The following SETD3 variants were observed in gnomAD, a reference collection of about 807,000 sequenced individuals.
SETD3 encodes SET domain containing 3, actin N3(tau)-histidine methyltransferase.
A neutral mutation model predicts 63.0 loss-of-function variants in SETD3; 19 were observed. That is an observed-to-expected ratio of 0.30 (90% CI 0.21 to 0.44). The LOEUF (loss-of-function observed/expected upper bound fraction) is 0.44. Ranked by LOEUF, SETD3 falls within the 20% of genes least tolerant of loss-of-function variation. The probability of loss-of-function intolerance (pLI) is 1.00; values close to 1 mark genes in which losing one functional copy is unlikely to be tolerated. For synonymous variants in SETD3, 286 were observed against 264.1 expected (o/e 1.08, Z -0.80); for missense variants, 587 against 728.5 (o/e 0.81, Z 2.24).
chr14:99,436,254 C>G (rs765705949), intron 6 of SETD3, among the ~76,000 whole-genome samples: 5 of 152,130 alleles, frequency 3.3e-5, no homozygotes, highest in Non-Finnish European at 5.9e-5. Context: ...ACCAGATCAC[C>G]ACCGTACTTC....
At chr14:99,458,136 T>A (rs1002739456) in intron 6 of SETD3, 143 bp downstream of exon 6, 2 of 992,102 alleles carry the variant, frequency 2.0e-6, no homozygotes, top group African/African-American at 1.6e-5. Context: ...AAACAAACGA[T>A]GAAATGTATT....
chr14:99,415,292 C>T (rs531640387), intron 6 of SETD3, among the ~76,000 whole-genome samples: 5 of 152,262 alleles, frequency 3.3e-5, no homozygotes, highest in African/African-American at 9.6e-5. Context: ...AGTTCCAATG[C>T]TAAATCTCTA....
intron 4 of SETD3, among the ~76,000 whole-genome samples, chr14:99,459,795 A>C (rs1367887997): frequency 6.6e-6 from 1 of 152,242 alleles, no homozygotes; most frequent in Non-Finnish European, 1.5e-5. Flanking sequence ...CACTGCAAAA[A>C]ACATGCACAT....
At chr14:99,457,591 G>A (rs554325997) in intron 6 of SETD3, among the ~76,000 whole-genome samples, 1 of 152,318 alleles carries the variant, frequency 6.6e-6, no homozygotes, top group South Asian at 2.1e-4. Context: ...CAGCAGCCCA[G>A]GAGCTGACTC....
At position 99,431,212 on chromosome 14, in the gene SETD3, AT is replaced by A. The variant is rs199651536; in HGVS notation, c.676-17279del. Among the ~76,000 whole-genome samples, 1,024 of 152,292 alleles carry A rather than the reference AT, an allele frequency of 6.7e-3. 4 individuals carry two copies. Among genetic ancestry groups the A allele is most frequent in the Non-Finnish European group, 0.012 (804 of 68,020 alleles). On this transcript the variant is annotated intron_variant, in intron 6 of 12. Transcript: ENST00000331768. ...TATTTCCACCAAGTGGGTCCCTTAC[AT>A]TTTTGTGAAGATTTATACTTCATGA...
chr14:99,457,421 T>C (rs1894822607), intron 6 of SETD3, among the ~76,000 whole-genome samples: 1 of 152,242 alleles, frequency 6.6e-6, no homozygotes, highest in Admixed American at 6.5e-5. Context: ...CAATATCACC[T>C]GTAGCAATGA....
intron 5 of SETD3, among the ~76,000 whole-genome samples, chr14:99,458,776 A>C: frequency 2.5e-5 from 1 of 39,764 alleles, no homozygotes; most frequent in Non-Finnish European, 8.0e-5. Flanking sequence ...CATCACTACA[A>C]AAAAAAAAAA....
At chr14:99,437,251 A>G (rs1893536276) in intron 6 of SETD3, among the ~76,000 whole-genome samples, 1 of 152,140 alleles carries the variant, frequency 6.6e-6, no homozygotes, top group Non-Finnish European at 1.5e-5. Flanking sequence ...CCTCCCTTCC[A>G]GCATGTCTAC....
intron 6 of SETD3, among the ~76,000 whole-genome samples, chr14:99,416,634 TGA>T (rs1454749667): frequency 6.6e-6 from 1 of 152,082 alleles, no homozygotes; most frequent in African/African-American, 2.4e-5. Flanking sequence ...AAGACGACAG[TGA>T]GAGGGCCTCT....
intron 10 of SETD3, among the ~76,000 whole-genome samples, chr14:99,404,753 T>C (rs1278787059): frequency 6.6e-6 from 1 of 152,212 alleles, no homozygotes; most frequent in Non-Finnish European, 1.5e-5. Flanking sequence ...AACTAATGAA[T>C]CCTAATTCCT....
chr14:99,427,798 G>A (rs1892964779), intron 6 of SETD3, among the ~76,000 whole-genome samples: 1 of 152,208 alleles, frequency 6.6e-6, no homozygotes, highest in Non-Finnish European at 1.5e-5. Flanking sequence ...CAGGCAAACT[G>A]TGACGTGTCA....
At position 99,399,249 on chromosome 14, in the gene SETD3, C is replaced by T. The variant is rs1166919410; in HGVS notation, c.1339-124G>A. On this transcript the variant is annotated intron_variant, in intron 12 of 12. Coordinates refer to ENST00000331768, the MANE Select transcript of SETD3 (RefSeq NM_032233.3). ...TTTGGGGTGACGGGAGGTTCTAACA[C>T]TTGACTGGGCAGGTGGTCGCATGAC... is the stretch of plus-strand genomic sequence containing the variant. The T allele has an allele frequency of 5.8e-6, 4 of 692,808 alleles. No homozygotes were observed. In the East Asian group the frequency reaches 1.1e-4, roughly 18 times the overall value. 42.9% of individuals were successfully genotyped at this position (692,808 alleles called of 1,614,324 possible).
At chr14:99,483,609 G>A (rs1382569050), upstream of SETD3, among the ~76,000 whole-genome samples, 2 of 152,236 alleles carry the variant, frequency 1.3e-5, no homozygotes, top group East Asian at 3.8e-4. Flanking sequence ...TAGACTGGTG[G>A]TGATTGGGGA....
At chr14:99,410,222 A>G (rs766307786) in intron 8 of SETD3, 1 of 1,613,662 alleles carries the variant, frequency 6.2e-7, no homozygotes, top group South Asian at 1.1e-5. Context: ...GTGTCTGAAG[A>G]ATAGCAGGGA....
chr14:99,482,134 C>T (rs2139841916), upstream of SETD3, among the ~76,000 whole-genome samples: 1 of 152,318 alleles, frequency 6.6e-6, no homozygotes, highest in African/African-American at 2.4e-5. Flanking sequence ...CCAAGATAGG[C>T]TCGGTAATGC....
chr14:99,463,677 TG>T, intron 2 of SETD3, 99 bp from the exon 3 acceptor site: 2 of 943,592 alleles, frequency 2.1e-6, no homozygotes, highest in South Asian at 1.5e-5. Flanking sequence ...GTTGCTGTTC[TG>T]GGGTTGGTTT....
In SETD3 at chr14:99,458,449, T is replaced by C; in HGVS notation, c.505A>G (p.Asn169Asp). Residue 169 changes from asparagine (N) to aspartate (D), a missense_variant, in exon 6 of 13, where the codon AAC (asparagine) becomes GAC (aspartate). Physicochemically the swap from Asn to Asp is conservative, Grantham distance 23 (BLOSUM62 1). Transcript: ENST00000331768. ...TGAATATAGGGCTGCCAGAAGGAGTTAGGGCTGGCTCGCTCACACAGCAAA... is the reference window on the plus strand; with the variant it reads ...TGAATATAGGGCTGCCAGAAGGAGTCAGGGCTGGCTCGCTCACACAGCAAA... ...FHLLCERASPNSFWQPYIQTL... is the reference protein window; with the variant it reads ...FHLLCERASPDSFWQPYIQTL... 1 of 1,614,110 alleles carries C rather than the reference T, an allele frequency of 6.2e-7. No individual in the cohort carries two copies. The highest frequency in any genetic ancestry group is 8.5e-7 in the Non-Finnish European group (1 of 1,180,022).
intron 1 of SETD3, among the ~76,000 whole-genome samples, chr14:99,477,550 T>C (rs1366310826): frequency 6.6e-6 from 1 of 151,562 alleles, no homozygotes; most frequent in Non-Finnish European, 1.5e-5. Flanking sequence ...AGGTCGGGAG[T>C]TCCAGACCAG....
rs1424645553 is a variant in SETD3, at chr14:99,463,316, A to G, written c.196+170T>C. 2.0e-5 allele frequency among the ~76,000 whole-genome samples: 3 copies of G among 152,244 alleles called. No individual in the cohort carries two copies. The East Asian group carries it at 5.8e-4, about 29-fold the overall frequency. On this transcript the variant is annotated intron_variant, in intron 3 of 12. Transcript: ENST00000331768. ...CCGAAGCAGGTAATAGCATCTCAGAAAGGGGAGAAATCCCGCTAACTGCTC... is the reference window on the plus strand; with the variant it reads ...CCGAAGCAGGTAATAGCATCTCAGAGAGGGGAGAAATCCCGCTAACTGCTC...
Sources: allele counts gnomAD v4.1 joint callset (sites outside exome capture counted in the v4.1 genomes callset), GRCh38; gene constraint gnomAD v4.1.1; transcripts MANE v1.5; gene names NCBI Gene and HGNC (gene_info 2026-07-23, HGNC 2026-07-21).